Variants in DMGDH observed in about 807,000 individuals in gnomAD.
DMGDH encodes the protein dimethylglycine dehydrogenase, also known as dimethylglycine dehydrogenase, mitochondrial.
In DMGDH, 76 loss-of-function variants were observed where a neutral mutation model predicts 95.2. The ratio of observed to expected loss-of-function variants is 0.80; its 90% confidence interval spans 0.66 to 0.97. The LOEUF (loss-of-function observed/expected upper bound fraction) is 0.97, where lower values mean the gene tolerates loss of function less well. DMGDH is among the 50% of genes least tolerant of loss of function. The pLI, the probability that DMGDH is intolerant of heterozygous loss-of-function variation, is 0.00. For missense variants in DMGDH, 987 were observed against 1,055.0 expected, an observed-to-expected ratio of 0.94 and a Z score of 0.89; for synonymous variants, 345 against 377.6, an observed-to-expected ratio of 0.91 and a Z score of 1.00.
chr5:79,064,072 G>A (rs1755296219), intron 1 of DMGDH, among the ~76,000 whole-genome samples: 1 of 152,106 alleles, frequency 6.6e-6, no homozygotes, highest in Admixed American at 6.6e-5. Flanking sequence ...TAGAGAACAG[G>A]TCAGGTTTGG....
chr5:79,057,664 T>C (rs1755070706), intron 2 of DMGDH, among the ~76,000 whole-genome samples: 1 of 152,184 alleles, frequency 6.6e-6, no homozygotes, highest in Non-Finnish European at 1.5e-5. Context: ...CCTGCTGCTT[T>C]AACATGTTGG....
At chr5:79,058,845 A>C (rs529856784) in intron 2 of DMGDH, among the ~76,000 whole-genome samples, 2 of 152,334 alleles carry the variant, frequency 1.3e-5, no homozygotes, top group South Asian at 4.1e-4. Context: ...CCTGGATGCT[A>C]AATAATGGAT....
chr5:79,005,290 T>G lies in DMGDH; in HGVS notation c.2368A>C (p.Ile790Leu). 6.2e-7 allele frequency: 1 copy of G among 1,613,838 alleles called. No homozygotes were observed. Among genetic ancestry groups the G allele is most frequent in the Non-Finnish European group, 8.5e-7 (1 of 1,179,932 alleles). Reference sequence around the variant, plus strand: ...GCACTCACCTTGCCATTGTACCAGATGCTTTCATTTCCCTCTGGATCAACA... The same window carrying G: ...GCACTCACCTTGCCATTGTACCAGAGGCTTTCATTTCCCTCTGGATCAACA... ...DDVDPEGNES[I>L]WYNGKVVGNT... The change falls in exon 15 of 16, where the codon ATC becomes CTC. Residue 790 changes from isoleucine to leucine, a missense_variant. By Grantham distance (5) the Ile-to-Leu change is conservative. Transcript: ENST00000255189.
intron 14 of DMGDH, among the ~76,000 whole-genome samples, chr5:79,008,937 T>C (rs1035839980): frequency 1.3e-5 from 2 of 152,222 alleles, no homozygotes; most frequent in African/African-American, 4.8e-5. Flanking sequence ...ATCCCCAGTT[T>C]ATGAAAGACT....
At chr5:79,000,457 A>G (rs61737999) in intron 15 of DMGDH, 1 of 618,224 alleles carries the variant, frequency 1.6e-6, no homozygotes, top group Admixed American at 1.8e-5. Flanking sequence ...GGGACAAACT[A>G]CTGGATCAAA....
intron 2 of DMGDH, 146 bp from the exon 3 acceptor site, chr5:79,056,054 G>C: frequency 1.5e-6 from 1 of 650,518 alleles, no homozygotes; most frequent in South Asian, 1.7e-5. Flanking sequence ...ATCAGCACCA[G>C]TTTGAGCACA....
intron 10 of DMGDH, chr5:79,030,588 G>C: frequency 2.6e-6 from 1 of 387,538 alleles, no homozygotes; most frequent in South Asian, 2.9e-5. Context: ...GAAGGTTGCA[G>C]TGAGCCGAGA....
intron 6 of DMGDH, among the ~76,000 whole-genome samples, chr5:79,043,099 A>C (rs1167660651): frequency 6.6e-6 from 1 of 152,150 alleles, no homozygotes; most frequent in Non-Finnish European, 1.5e-5. Flanking sequence ...ATGAGCTTCT[A>C]AAAGAATGTC....
Position 79,032,750 on chromosome 5 carries a change from C to A in DMGDH, c.1454G>T (p.Gly485Val), listed in dbSNP as rs1754222779. The change falls in exon 9 of 16, where the codon GGG (glycine) becomes GTG (valine). Residue 485 changes from glycine to valine, a missense_variant. By Grantham distance (109) the Gly-to-Val change is moderately radical (BLOSUM62 -3). Coordinates refer to ENST00000255189, the MANE Select transcript of DMGDH (RefSeq NM_013391.3). The stretch of plus-strand genomic sequence containing the variant: ...CGGCTGCTCCCAGCCAGCATGGAAC[C>A]CCATGGAACACTTAGACTCCAGCCT... ...YQRLESKCSM[G>V]FHAGWEQPHW... is the part of the protein sequence containing the mutation. 6.2e-7 allele frequency: 1 copy of A among 1,614,174 alleles called. No individual in the cohort carries two copies. Among genetic ancestry groups the A allele is most frequent in the African/African-American group, 1.3e-5 (1 of 75,050 alleles).
intron 5 of DMGDH, among the ~76,000 whole-genome samples, chr5:79,049,373 T>C (rs929816123): frequency 6.6e-6 from 1 of 152,260 alleles, no homozygotes; most frequent in African/African-American, 2.4e-5. Flanking sequence ...TTCTATGTTA[T>C]TTCTCAAAAT....
intron 14 of DMGDH, among the ~76,000 whole-genome samples, chr5:79,011,447 C>T (rs1753645714): frequency 6.6e-6 from 1 of 152,158 alleles, no homozygotes; most frequent in Non-Finnish European, 1.5e-5. Flanking sequence ...TCAACATCTC[C>T]TTGATAGCAA....
intron 14 of DMGDH, among the ~76,000 whole-genome samples, chr5:79,008,568 G>GCCAT (rs1753588454): frequency 6.6e-6 from 1 of 152,128 alleles, no homozygotes; most frequent in African/African-American, 2.4e-5. Context: ...GTGGAAGCTG[G>GCCAT]CCATGACCAG....
intron 15 of DMGDH, among the ~76,000 whole-genome samples, chr5:79,004,963 G>T (rs1005322761): frequency 1.3e-5 from 2 of 152,192 alleles, no homozygotes; most frequent in African/African-American, 4.8e-5. Context: ...TACAGACATG[G>T]ATGTGGTGAG....
intron 14 of DMGDH, chr5:79,021,625 C>T (rs1354708017): frequency 2.3e-6 from 3 of 1,317,234 alleles, no homozygotes; most frequent in Non-Finnish European, 3.0e-6. Context: ...GCCTGATGGC[C>T]CATCTGCTCA....
Position 78,997,993 on chromosome 5 carries a change from G to T in DMGDH, c.*89C>A. 7.4e-7 allele frequency: 1 copy of T among 1,351,382 alleles called. No individual in the cohort carries two copies. Among genetic ancestry groups the T allele is most frequent in the Non-Finnish European group, 1.0e-6 (1 of 954,810 alleles). 83.7% of individuals were successfully genotyped at this position (1,351,382 alleles called of 1,614,324 possible). ...TTGATGATTTTGAAATGAATTCCTG[G>T]TTTCCTCTATTCCCCTGGGAGCCAG... On this transcript the variant is annotated 3_prime_UTR_variant, in exon 16 of 16. Coordinates refer to ENST00000255189, the MANE Select transcript of DMGDH (RefSeq NM_013391.3).
At chr5:79,069,096 C>G (rs1331675099) in intron 1 of DMGDH, among the ~76,000 whole-genome samples, 2 of 152,060 alleles carry the variant, frequency 1.3e-5, no homozygotes, top group South Asian at 4.2e-4. Flanking sequence ...AATAGACTAA[C>G]GATAGTGTAG....
At chr5:79,048,250 T>A (rs984929920) in intron 5 of DMGDH, among the ~76,000 whole-genome samples, 2 of 152,306 alleles carry the variant, frequency 1.3e-5, no homozygotes, top group East Asian at 1.9e-4. Context: ...GGGACTATTA[T>A]CCCTATTTTA....
chr5:79,035,871 A>G (rs922377822), intron 7 of DMGDH, among the ~76,000 whole-genome samples: 3 of 152,242 alleles, frequency 2.0e-5, no homozygotes, highest in African/African-American at 7.2e-5. Flanking sequence ...CACATGGCCA[A>G]TGTAAAACCA....
intron 14 of DMGDH, among the ~76,000 whole-genome samples, chr5:79,010,462 A>G (rs774529903): frequency 2.6e-5 from 4 of 152,194 alleles, no homozygotes; most frequent in Non-Finnish European, 5.9e-5. Flanking sequence ...CAAAGAAGTC[A>G]TCAATTTTTT....
Sources: gnomAD v4.1 joint callset for allele counts (sites outside exome capture counted in the v4.1 genomes callset) on GRCh38, gnomAD v4.1.1 for gene constraint, MANE v1.5 for transcripts, NCBI Gene and HGNC (gene_info 2026-07-23, HGNC 2026-07-21) for gene names.